The following FARS2 variants were observed in gnomAD, a reference collection of about 807,000 sequenced individuals.
FARS2 encodes phenylalanine--tRNA ligase, mitochondrial.
FARS2 carries 40 observed loss-of-function variants against 46.4 expected under a neutral mutation model. The observed-to-expected ratio is 0.86, with a 90% confidence interval of 0.67 to 1.12. FARS2 has a LOEUF of 1.12. FARS2 is among the 50% of genes most tolerant of loss of function. The pLI is 0.00. For missense variants in FARS2, 513 were observed against 567.9 expected (o/e 0.90, Z 0.98); for synonymous variants, 234 against 214.9 (o/e 1.09, Z -0.78).
intron 1 of FARS2, among the ~76,000 whole-genome samples, chr6:5,365,510 ATTTT>A (rs144909598): frequency 3.1e-5 from 4 of 127,972 alleles, no homozygotes; most frequent in African/African-American, 9.2e-5. Context: ...ATTAAATAAA[ATTTT>A]TTTTTTTTTT....
intron 1 of FARS2, among the ~76,000 whole-genome samples, chr6:5,304,231 A>T (rs1768532407): frequency 6.6e-6 from 1 of 152,198 alleles, no homozygotes; most frequent in Non-Finnish European, 1.5e-5. Context: ...TAGTTGTATC[A>T]GTTGTTTTGT....
chr6:5,387,300 A>G (rs2127681886), intron 2 of FARS2, among the ~76,000 whole-genome samples: 1 of 152,294 alleles, frequency 6.6e-6, no homozygotes, highest in East Asian at 1.9e-4. Context: ...GATTAGTAAC[A>G]CCTGCCGCCT....
chr6:5,539,043 C>T (rs1770399112), intron 4 of FARS2, among the ~76,000 whole-genome samples: 1 of 151,980 alleles, frequency 6.6e-6, no homozygotes, highest in Non-Finnish European at 1.5e-5. Flanking sequence ...TGGGTCCTCT[C>T]AGGTAGAGCC....
chr6:5,569,468 A>C (rs9378966), intron 5 of FARS2, among the ~76,000 whole-genome samples: 120,936 of 151,752 alleles, frequency 0.8, 48,241 homozygotes, highest in East Asian at 0.86. Context: ...CAACTGATCC[A>C]CCCACCTCGG....
rs70975905 is a variant in FARS2, at chr6:5,407,066, T to TATATATATATATATATATATATATAA, written c.772+2366_772+2367insTATATATATATATATATATATATAAA. Among the ~76,000 whole-genome samples the TATATATATATATATATATATATATAA allele has an allele frequency of 9.5e-3, 1,039 of 109,058 alleles. 47 individuals carry two copies. Among genetic ancestry groups the TATATATATATATATATATATATATAA allele is most frequent in the East Asian group, 0.013 (35 of 2,614 alleles). 71.5% of individuals were successfully genotyped at this position (109,058 alleles called of 152,430 possible). A position where few individuals can be genotyped will look rare whatever the true frequency, so the allele number is the denominator to read the frequency against. Reference sequence around the variant, plus strand: ...AATTATATATATATATATATATATATAATGACCAATAAATATATGAAAAGA... The same window carrying TATATATATATATATATATATATATAA: ...AATTATATATATATATATATATATATATATATATATATATATATATATATAAAATGACCAATAAATATATGAAAAGA... On this transcript the variant is annotated intron_variant, in intron 3 of 6. Transcript: ENST00000274680.
chr6:5,659,569 T>G (rs1438513165), intron 6 of FARS2, among the ~76,000 whole-genome samples: 2 of 152,234 alleles, frequency 1.3e-5, no homozygotes, highest in Non-Finnish European at 2.9e-5. Flanking sequence ...GTGGGGAGCT[T>G]TTGTTTTTGA....
At chr6:5,618,424 CGCCG>C (rs1775588444) in intron 6 of FARS2, among the ~76,000 whole-genome samples, 1 of 152,124 alleles carries the variant, frequency 6.6e-6, no homozygotes, top group African/African-American at 2.4e-5. Flanking sequence ...TGCAAAAGAG[CGCCG>C]ACCCTTTCTT....
At chr6:5,324,184 C>T (rs1431180346) in intron 1 of FARS2, among the ~76,000 whole-genome samples, 1 of 152,178 alleles carries the variant, frequency 6.6e-6, no homozygotes, top group African/African-American at 2.4e-5. Flanking sequence ...AGCTGCCATT[C>T]GTGTTTCTTT....
chr6:5,416,276 T>C (rs2127740762), intron 3 of FARS2, among the ~76,000 whole-genome samples: 1 of 152,372 alleles, frequency 6.6e-6, no homozygotes, highest in South Asian at 2.1e-4. Flanking sequence ...TTTTCAGTTT[T>C]ATATTTAGAT....
At chr6:5,491,528 C>G (rs985330999) in intron 4 of FARS2, among the ~76,000 whole-genome samples, 1 of 152,170 alleles carries the variant, frequency 6.6e-6, no homozygotes, top group Non-Finnish European at 1.5e-5. Flanking sequence ...GCACTCAAAA[C>G]GTTTTCCGTA....
At chr6:5,257,603 G>A (rs145985245), upstream of FARS2, among the ~76,000 whole-genome samples, 123 of 152,292 alleles carry the variant, frequency 8.1e-4, no homozygotes, top group African/African-American at 2.7e-3. Context: ...GGGTGAGTGC[G>A]CATTATGGCC....
At chr6:5,578,866 G>A (rs1401011783) in intron 5 of FARS2, among the ~76,000 whole-genome samples, 1 of 150,756 alleles carries the variant, frequency 6.6e-6, no homozygotes. Flanking sequence ...CAAGACGTGA[G>A]CTCTAGAGCC....
intron 4 of FARS2, among the ~76,000 whole-genome samples, chr6:5,521,600 G>A (rs1242441344): frequency 1.3e-5 from 2 of 152,172 alleles, no homozygotes; most frequent in Non-Finnish European, 2.9e-5. Flanking sequence ...ATAAAGCCGG[G>A]AAAGCTCTTC....
chr6:5,769,877 A>G (rs568961178), intron 6 of FARS2, among the ~76,000 whole-genome samples: 87 of 152,322 alleles, frequency 5.7e-4, no homozygotes, highest in African/African-American at 2.1e-3. Context: ...ATAGCAGCTT[A>G]TCTTCCCTGA....
chr6:5,650,614 G>A lies in FARS2; in HGVS notation c.1217+37294G>A, dbSNP rs186943001. On this transcript the variant is annotated intron_variant, in intron 6 of 6. Transcript: ENST00000274680. Reference sequence around the variant, plus strand: ...TCCTGACTCAGCCTCCCGAGTAGCTGGGACTACAGGCACCCGCCACCACGC... The same window carrying A: ...TCCTGACTCAGCCTCCCGAGTAGCTAGGACTACAGGCACCCGCCACCACGC... Among the ~76,000 whole-genome samples, 8 of 152,194 alleles carry A rather than the reference G, an allele frequency of 5.3e-5. No individual in the cohort carries two copies. The East Asian group carries it at 1.2e-3, about 22-fold the overall frequency.
chr6:5,633,873 C>T (rs1776416184), intron 6 of FARS2, among the ~76,000 whole-genome samples: 1 of 152,148 alleles, frequency 6.6e-6, no homozygotes, highest in African/African-American at 2.4e-5. Flanking sequence ...AATCTCTTAT[C>T]AATGATTAGC....
At chr6:5,408,216 G>A (rs114637664) in intron 3 of FARS2, among the ~76,000 whole-genome samples, 1,545 of 152,220 alleles carry the variant, frequency 0.01, 10 homozygotes, top group African/African-American at 0.019. Context: ...GATGTTCTCC[G>A]AGCACACAGG....
intron 6 of FARS2, among the ~76,000 whole-genome samples, chr6:5,724,844 T>C (rs1462170758): frequency 6.6e-6 from 1 of 152,234 alleles, no homozygotes; most frequent in East Asian, 1.9e-4. Flanking sequence ...CACAGTAACA[T>C]GAAATACATC....
intron 6 of FARS2, among the ~76,000 whole-genome samples, chr6:5,721,138 A>C (rs1759877731): frequency 6.6e-6 from 1 of 152,252 alleles, no homozygotes; most frequent in South Asian, 2.1e-4. Context: ...AAACCATTGC[A>C]TATTAACCTA....
Sources: allele counts gnomAD v4.1 joint callset (sites outside exome capture counted in the v4.1 genomes callset), GRCh38; gene constraint gnomAD v4.1.1; transcripts MANE v1.5; gene names NCBI Gene and HGNC (gene_info 2026-07-23, HGNC 2026-07-21).